The following NXN variants were observed in gnomAD, a reference collection of about 807,000 sequenced individuals.
NXN encodes the protein nucleoredoxin.
NXN carries 16 observed loss-of-function variants against 48.6 expected under a neutral mutation model. That is an observed-to-expected ratio of 0.33 (90% CI 0.22 to 0.50). NXN has a LOEUF of 0.50. NXN is among the 20% of genes least tolerant of loss of function. The pLI, the probability that NXN is intolerant of heterozygous loss-of-function variation, is 0.98. For synonymous variants in NXN, 281 were observed against 269.6 expected (o/e 1.04, Z -0.41); for missense variants, 492 against 605.5 (o/e 0.81, Z 1.97).
At chr17:803,964 C>A (rs754021136) in intron 6 of NXN, 158 bp from the exon 7 acceptor site, 2 of 876,874 alleles carry the variant, frequency 2.3e-6, no homozygotes, top group South Asian at 3.2e-5. Context: ...TTGCTCCCCG[C>A]ATGCATGGGT....
intron 1 of NXN, among the ~76,000 whole-genome samples, chr17:876,589 C>T (rs1418385639): frequency 6.6e-6 from 1 of 152,168 alleles, no homozygotes; most frequent in Non-Finnish European, 1.5e-5. Context: ...TCTCTTAAGC[C>T]CAGGAATCAG....
chr17:899,317 T>A lies in NXN; in HGVS notation c.361-73239A>T, dbSNP rs527273699. On this transcript the variant is annotated intron_variant, in intron 1 of 7. Coordinates refer to ENST00000336868, the MANE Select transcript of NXN (RefSeq NM_022463.5). ...AATAGTACTATAACTGTCTCCTTACTTTGCTTAATACTCCATCTATCCATC... is the reference window on the plus strand; with the variant it reads ...AATAGTACTATAACTGTCTCCTTACATTGCTTAATACTCCATCTATCCATC... Among the ~76,000 whole-genome samples, 149 of 152,258 alleles carry A rather than the reference T, an allele frequency of 9.8e-4. 2 individuals carry two copies. Among genetic ancestry groups the A allele is most frequent in the Non-Finnish European group, 1.7e-3 (118 of 68,032 alleles).
At chr17:957,363 G>A (rs1330652492) in intron 1 of NXN, among the ~76,000 whole-genome samples, 1 of 151,624 alleles carries the variant, frequency 6.6e-6, no homozygotes, top group East Asian at 2.0e-4. Flanking sequence ...GCCGGGCGCA[G>A]GGGCTCACTT....
chr17:912,501 A>G (rs2068646043), intron 1 of NXN, among the ~76,000 whole-genome samples: 1 of 152,056 alleles, frequency 6.6e-6, no homozygotes, highest in Non-Finnish European at 1.5e-5. Context: ...ATGTTATCAA[A>G]TGTTCCTTTT....
intron 1 of NXN, among the ~76,000 whole-genome samples, chr17:964,136 A>C (rs2069273769): frequency 6.6e-6 from 1 of 152,188 alleles, no homozygotes; most frequent in Admixed American, 6.6e-5. Context: ...GAACACAGAG[A>C]AACATGGCGT....
intron 1 of NXN, among the ~76,000 whole-genome samples, chr17:946,293 T>C (rs1234391123): frequency 6.6e-6 from 1 of 151,918 alleles, no homozygotes; most frequent in African/African-American, 2.4e-5. Flanking sequence ...CTCAGCCTCC[T>C]GAGTAGCTGG....
chr17:922,501 C>T (rs144937428), intron 1 of NXN, among the ~76,000 whole-genome samples: 2 of 152,150 alleles, frequency 1.3e-5, no homozygotes, highest in Admixed American at 6.6e-5. Context: ...GATGGGGCCA[C>T]GAATAAAATC....
intron 1 of NXN, among the ~76,000 whole-genome samples, chr17:847,548 G>A (rs1364684499): frequency 1.3e-5 from 2 of 152,148 alleles, no homozygotes; most frequent in African/African-American, 4.8e-5. Context: ...CGTGTCCACA[G>A]CTCTGCAAAC....
chr17:893,140 C>T (rs1227458042), intron 1 of NXN, among the ~76,000 whole-genome samples: 1 of 152,262 alleles, frequency 6.6e-6, no homozygotes, highest in African/African-American at 2.4e-5. Context: ...GATGGGAGAA[C>T]ACGCCTACGC....
intron 1 of NXN, chr17:842,585 C>T: frequency 1.0e-6 from 1 of 985,202 alleles, no homozygotes; most frequent in Non-Finnish European, 1.2e-6. Flanking sequence ...GGGCCCGTCT[C>T]CTCCTCCTTC....
intron 1 of NXN, among the ~76,000 whole-genome samples, chr17:835,224 C>T (rs955403769): frequency 8.6e-5 from 13 of 150,520 alleles, no homozygotes; most frequent in Non-Finnish European, 4.4e-5. Flanking sequence ...AGGAGAATGG[C>T]GTGAACCCAG....
At chr17:909,575 GT>G (rs1027568957) in intron 1 of NXN, 3 of 117,102 alleles carry the variant, frequency 2.6e-5, no homozygotes, top group Non-Finnish European at 5.0e-5. Flanking sequence ...GTCTTGCTCT[GT>G]CCCCCAGGCT....
At chr17:885,744 A>T (rs1229399120) in intron 1 of NXN, among the ~76,000 whole-genome samples, 2 of 137,114 alleles carry the variant, frequency 1.5e-5, no homozygotes, top group South Asian at 2.5e-4. Flanking sequence ...GCAGTGGCGC[A>T]ATCTCAGCTC....
intron 1 of NXN, among the ~76,000 whole-genome samples, chr17:963,214 GACACACACACACACAC>G: frequency 7.0e-6 from 1 of 142,936 alleles, no homozygotes; most frequent in East Asian, 2.1e-4. Context: ...TACTGGGACG[GACACACACACACACAC>G]ACACACACAC....
At chr17:802,937 A>AGTGGT (rs1911281074) in intron 7 of NXN, among the ~76,000 whole-genome samples, 1 of 40,046 alleles carries the variant, frequency 2.5e-5, no homozygotes, top group Admixed American at 3.8e-4. Context: ...TCTGTCAGTC[A>AGTGGT]GTGGGGTGGG....
Position 821,474 on chromosome 17 carries a change from C to A in NXN, c.713+883G>T, listed in dbSNP as rs1428288652. On this transcript the variant is annotated intron_variant, in intron 4 of 7. Transcript: ENST00000336868. The stretch of plus-strand genomic sequence containing the variant: ...GGGCCAGAGCTGAGATAACAGCCAT[C>A]CGGCCGGGCGCGGTGGCTCATGCCT... Among the ~76,000 whole-genome samples the A allele has an allele frequency of 7.6e-5, 6 of 78,580 alleles. 3 individuals carry two copies. The highest frequency in any genetic ancestry group is 4.6e-4 in the African/African-American group (6 of 13,066). 51.6% of individuals were successfully genotyped at this position (78,580 alleles called of 152,430 possible). A position where few individuals can be genotyped will look rare whatever the true frequency, so the allele number is the denominator to read the frequency against.
Position 935,164 on chromosome 17 carries a change from T to G in NXN, c.360+44155A>C, listed in dbSNP as rs117225876. On this transcript the variant is annotated intron_variant, in intron 1 of 7. Transcript: ENST00000336868. The stretch of plus-strand genomic sequence containing the variant: ...ATGCACTACCACGCCCAGATAATTT[T>G]TGTGTTTTTACTAGAGACAGGGTTT... Among the ~76,000 whole-genome samples, 304 of 151,914 alleles carry G rather than the reference T, an allele frequency of 2.0e-3. 6 individuals carry two copies. The East Asian group carries it at 0.045, about 22-fold the overall frequency.
intron 1 of NXN, among the ~76,000 whole-genome samples, chr17:909,098 CAAAAAAAAAAAA>C (rs59822805): frequency 3.4e-5 from 4 of 117,330 alleles, no homozygotes; most frequent in Non-Finnish European, 5.3e-5. Flanking sequence ...GACTTCGTCT[CAAAAAAAAAAAA>C]AAAAAAAAAA....
At chr17:883,272 G>A (rs185612864) in intron 1 of NXN, among the ~76,000 whole-genome samples, 14 of 152,258 alleles carry the variant, frequency 9.2e-5, no homozygotes, top group East Asian at 3.9e-4. Context: ...GGGGGAAGAC[G>A]ATGCTGACTG....
Sources: gnomAD v4.1 joint callset for allele counts (sites outside exome capture counted in the v4.1 genomes callset) on GRCh38, gnomAD v4.1.1 for gene constraint, MANE v1.5 for transcripts, NCBI Gene and HGNC (gene_info 2026-07-23, HGNC 2026-07-21) for gene names.